The following CCDC148 variants were observed in gnomAD, a reference collection of about 807,000 sequenced individuals.
CCDC148 encodes the protein coiled-coil domain containing 148.
CCDC148 carries 89 observed loss-of-function variants against 85.7 expected under a neutral mutation model. The observed-to-expected ratio is 1.04, with a 90% CI of 0.87 to 1.24. The LOEUF (loss-of-function observed/expected upper bound fraction) is 1.24. Ranked by LOEUF, CCDC148 falls within the 50% of genes most tolerant of loss-of-function variation. The pLI is 0.00. For synonymous variants in CCDC148, 230 were observed against 213.9 expected, an observed-to-expected ratio of 1.08 and a Z score of -0.66; for missense variants, 692 against 671.7, an observed-to-expected ratio of 1.03 and a Z score of -0.33.
intron 2 of CCDC148, among the ~76,000 whole-genome samples, chr2:158,346,799 T>A (rs114101866): frequency 6.6e-6 from 1 of 152,194 alleles, no homozygotes; most frequent in Admixed American, 6.5e-5. Flanking sequence ...TAAAAAGGAA[T>A]CTTTATAATG....
chr2:158,423,129 C>A (rs888922309), intron 1 of CCDC148, among the ~76,000 whole-genome samples: 1 of 152,124 alleles, frequency 6.6e-6, no homozygotes, highest in Non-Finnish European at 1.5e-5. Flanking sequence ...TAGGAAGAAT[C>A]AATATCGTGA....
rs115946636 is a variant in CCDC148, at chr2:158,265,126, C to A, written c.1111-14214G>T. On this transcript the variant is annotated intron_variant, in intron 9 of 13. Coordinates refer to ENST00000283233, the MANE Select transcript of CCDC148 (RefSeq NM_138803.4). The stretch of plus-strand genomic sequence containing the variant: ...CCAAGGAGACAGCTCTGTCCTAATC[C>A]ATAAAAATGTATTAAATAGAACATA... Among the ~76,000 whole-genome samples the A allele has an allele frequency of 7.2e-3, 1,096 of 152,162 alleles. 9 individuals carry two copies. The highest frequency in any genetic ancestry group is 0.021 in the African/African-American group (860 of 41,520).
At chr2:158,186,842 C>T (rs937386886) in intron 11 of CCDC148, among the ~76,000 whole-genome samples, 1 of 151,994 alleles carries the variant, frequency 6.6e-6, no homozygotes, top group African/African-American at 2.4e-5. Context: ...GCTACAAGAA[C>T]CAGTCAGGCT....
intron 1 of CCDC148, among the ~76,000 whole-genome samples, chr2:158,440,495 C>T (rs1462166187): frequency 1.3e-5 from 2 of 152,098 alleles, no homozygotes; most frequent in African/African-American, 4.8e-5. Context: ...TCAGGAGATG[C>T]ATTCAAGACC....
chr2:158,431,345 G>A (rs1687339533), intron 1 of CCDC148, among the ~76,000 whole-genome samples: 1 of 151,734 alleles, frequency 6.6e-6, no homozygotes. Flanking sequence ...TAGTGATGGG[G>A]TCGAGAAGGG....
chr2:158,373,879 C>T (rs998254228), intron 1 of CCDC148, among the ~76,000 whole-genome samples: 3 of 152,038 alleles, frequency 2.0e-5, no homozygotes, highest in African/African-American at 7.2e-5. Context: ...AGGATATATG[C>T]TCCATGAAAA....
intron 3 of CCDC148, among the ~76,000 whole-genome samples, chr2:158,343,852 T>C (rs989915647): frequency 6.6e-6 from 1 of 152,158 alleles, no homozygotes; most frequent in Non-Finnish European, 1.5e-5. Flanking sequence ...CTTCATTTTG[T>C]CCAATTTTCA....
intron 11 of CCDC148, among the ~76,000 whole-genome samples, chr2:158,209,968 C>T (rs2105290874): frequency 6.7e-6 from 1 of 149,638 alleles, no homozygotes; most frequent in African/African-American, 2.5e-5. Flanking sequence ...ACAATATTCA[C>T]CTTAAATGTA....
At chr2:158,430,640 G>T (rs989240822) in intron 1 of CCDC148, among the ~76,000 whole-genome samples, 1 of 152,092 alleles carries the variant, frequency 6.6e-6, no homozygotes, top group Non-Finnish European at 1.5e-5. Context: ...ATAACATAAA[G>T]ATAAATATTT....
chr2:158,418,268 A>C (rs967607976), intron 1 of CCDC148, among the ~76,000 whole-genome samples: 2 of 152,164 alleles, frequency 1.3e-5, no homozygotes, highest in African/African-American at 4.8e-5. Context: ...GTAATTTCTA[A>C]GGAATCTTTC....
In CCDC148 at chr2:158,178,902, G is replaced by T; in HGVS notation, c.1465C>A (p.Arg489=). 7.4e-6 allele frequency: 12 copies of T among 1,613,100 alleles called. No individual in the cohort carries two copies. Among genetic ancestry groups the T allele is most frequent in the Non-Finnish European group, 1.0e-5 (12 of 1,179,460 alleles). Residue 489 remains arginine (R), a synonymous_variant, in exon 12 of 14, where the codon CGG becomes AGG. Coordinates refer to ENST00000283233, the MANE Select transcript of CCDC148 (RefSeq NM_138803.4). ...EAHEDKERAR[R]LEALRKQVAV... is the part of the protein sequence containing the mutation. ...ACCTGTTTCCTAAGGGCTTCTAGCC[G>T]CCGTGCTCTCTCTTTGTCTTCATGA... is the stretch of plus-strand genomic sequence containing the variant.
intron 1 of CCDC148, among the ~76,000 whole-genome samples, chr2:158,366,311 C>T (rs1171471152): frequency 1.3e-5 from 2 of 152,066 alleles, no homozygotes; most frequent in East Asian, 1.9e-4. Flanking sequence ...AATCCTCCTC[C>T]GCTGGATTGT....
intron 1 of CCDC148, among the ~76,000 whole-genome samples, chr2:158,415,134 A>AT (rs1686438014): frequency 7.1e-6 from 1 of 141,262 alleles, no homozygotes; most frequent in South Asian, 2.2e-4. Context: ...TGAGTAATTC[A>AT]TTAAAAAAAA....
At chr2:158,351,400 G>A (rs989288384) in intron 2 of CCDC148, among the ~76,000 whole-genome samples, 1 of 152,190 alleles carries the variant, frequency 6.6e-6, no homozygotes, top group Non-Finnish European at 1.5e-5. Context: ...AGCCGAAGCA[G>A]GGCGAGGCAC....
chr2:158,215,503 T>C lies in CCDC148; in HGVS notation c.1370+5092A>G, dbSNP rs1227179111. Among the ~76,000 whole-genome samples the C allele has an allele frequency of 4.6e-5, 7 of 152,218 alleles. No individual in the cohort carries two copies. The East Asian group carries it at 1.4e-3, about 29-fold the overall frequency. On this transcript the variant is annotated intron_variant, in intron 11 of 13. Transcript: ENST00000283233. ...TTGTCCACTTGTAGTAGGAGCAATATGCACATGCCAACAGAAGGAGGCACC... is the reference window on the plus strand; with the variant it reads ...TTGTCCACTTGTAGTAGGAGCAATACGCACATGCCAACAGAAGGAGGCACC...
chr2:158,434,766 G>T (rs115894713), intron 1 of CCDC148, among the ~76,000 whole-genome samples: 26,854 of 152,154 alleles, frequency 0.18, 3,096 homozygotes, highest in Middle Eastern at 0.26. Flanking sequence ...AATAAACAGT[G>T]CAGAGAGGAC....
chr2:158,201,127 G>T (rs1211001417), intron 11 of CCDC148, among the ~76,000 whole-genome samples: 2 of 151,956 alleles, frequency 1.3e-5, no homozygotes, highest in African/African-American at 4.8e-5. Context: ...TTTCTAGAGA[G>T]AGAAAAATTT....
At chr2:158,418,270 G>A (rs1686598751) in intron 1 of CCDC148, among the ~76,000 whole-genome samples, 1 of 151,802 alleles carries the variant, frequency 6.6e-6, no homozygotes, top group Non-Finnish European at 1.5e-5. Context: ...AATTTCTAAG[G>A]AATCTTTCCA....
chr2:158,449,516 C>A (rs895116187), intron 1 of CCDC148, among the ~76,000 whole-genome samples: 1 of 151,414 alleles, frequency 6.6e-6, no homozygotes, highest in African/African-American at 2.4e-5. Context: ...GGTAGGATCT[C>A]GGCTCACTGC....
Sources: allele counts gnomAD v4.1 joint callset (sites outside exome capture counted in the v4.1 genomes callset), GRCh38; gene constraint gnomAD v4.1.1; transcripts MANE v1.5; gene names NCBI Gene and HGNC (gene_info 2026-07-23, HGNC 2026-07-21).